The following CTSW variants were observed in gnomAD, a reference collection of about 807,000 sequenced individuals.
CTSW encodes the protein lymphopain.
In CTSW, 42 loss-of-function variants were observed where a neutral mutation model predicts 43.8. That is an observed-to-expected ratio of 0.96 (90% CI 0.75 to 1.24). The LOEUF (loss-of-function observed/expected upper bound fraction) is 1.24. Ranked by LOEUF, CTSW falls within the 50% of genes most tolerant of loss-of-function variation. The pLI is 0.00. For synonymous variants in CTSW, 191 were observed against 184.8 expected (o/e 1.03, Z -0.27); for missense variants, 475 against 479.9 (o/e 0.99, Z 0.09).
Position 65,881,404 on chromosome 11 carries a change from C to T in CTSW, c.173-3C>T. On this transcript the variant is annotated splice_polypyrimidine_tract_variant and splice_region_variant and intron_variant, in intron 2 of 9. Coordinates refer to ENST00000307886, the MANE Select transcript of CTSW (RefSeq NM_001335.4). The stretch of plus-strand genomic sequence containing the variant: ...AGCCTAGGACAACTCCCTTTTGGTC[C>T]AGAGCATGCTCACCGCCTGGACATC... 6.3e-7 allele frequency: 1 copy of T among 1,587,850 alleles called. No homozygotes were observed. Among genetic ancestry groups the T allele is most frequent in the Non-Finnish European group, 8.6e-7 (1 of 1,165,436 alleles).
intron 2 of CTSW, among the ~76,000 whole-genome samples, chr11:65,880,788 A>C (rs886242587): frequency 2.6e-5 from 4 of 152,102 alleles, no homozygotes; most frequent in African/African-American, 4.8e-5. Context: ...CAGTGGCAGG[A>C]GGTGGGGTCC....
chr11:65,880,142 T>C, intron 1 of CTSW, 60 bp from the exon 2 acceptor site: 1 of 1,521,988 alleles, frequency 6.6e-7, no homozygotes, highest in Non-Finnish European at 9.1e-7. Context: ...GGAACTAAGG[T>C]GGGGCCCCAG....
In CTSW at chr11:65,882,905, G is replaced by A. The variant is rs770799333; in HGVS notation, c.745+1G>A. 1 of 1,613,964 alleles carries A rather than the reference G, an allele frequency of 6.2e-7. No individual in the cohort carries two copies. The highest frequency in any genetic ancestry group is 1.1e-5 in the South Asian group (1 of 91,082). Reference sequence around the variant, plus strand: ...ATCATGCTGCAGAACAACGAGCACAGTGCGGGCAGGGCAGGGACACGGGCG... The same window carrying A: ...ATCATGCTGCAGAACAACGAGCACAATGCGGGCAGGGCAGGGACACGGGCG... On this transcript the variant is annotated splice_donor_variant, in intron 7 of 9. Transcript: ENST00000307886. LOFTEE classifies it high-confidence loss of function.
Position 65,883,172 on chromosome 11 carries a change from G to T in CTSW, c.810+39G>T, listed in dbSNP as rs368197375. ...GCTGATGGGGAAGGGGCATACAGGAGACTTGGCCCCACACTCAGCCCCTCG... is the reference window on the plus strand; with the variant it reads ...GCTGATGGGGAAGGGGCATACAGGATACTTGGCCCCACACTCAGCCCCTCG... On this transcript the variant is annotated intron_variant, in intron 8 of 9. Coordinates refer to ENST00000307886, the MANE Select transcript of CTSW (RefSeq NM_001335.4). The T allele has an allele frequency of 1.9e-6, 3 of 1,613,670 alleles. No individual in the cohort carries two copies. The African/African-American group carries it at 4.0e-5, about 22-fold the overall frequency.
At chr11:65,882,575 G>A in intron 5 of CTSW, 34 bp from the exon 6 acceptor site, 3 of 1,614,170 alleles carry the variant, frequency 1.9e-6, no homozygotes, top group African/African-American at 2.7e-5. Flanking sequence ...AGGCCTAGGG[G>A]CCTGGTCACC....
intron 1 of CTSW, 75 bp from the exon 2 acceptor site, chr11:65,880,127 G>C: frequency 7.2e-7 from 1 of 1,394,368 alleles, no homozygotes; most frequent in Non-Finnish European, 1.0e-6. Flanking sequence ...GTCCTTGCAC[G>C]GCTGGGAACT....
In CTSW at chr11:65,880,186, C is replaced by T; in HGVS notation, c.88-16C>T. On this transcript the variant is annotated splice_polypyrimidine_tract_variant and intron_variant, in intron 1 of 9. Coordinates refer to ENST00000307886, the MANE Select transcript of CTSW (RefSeq NM_001335.4). ...CCTCTGCCCACTGCCCCTCTCCACC[C>T]TTGGTTCCTTGCCAGGACCTAGGTC... 1 of 1,611,648 alleles carries T rather than the reference C, an allele frequency of 6.2e-7. No individual in the cohort carries two copies. The highest frequency in any genetic ancestry group is 8.5e-7 in the Non-Finnish European group (1 of 1,177,774).
chr11:65,880,242 A>G lies in CTSW; in HGVS notation c.128A>G (p.Lys43Arg). The change falls in exon 2 of 10, where the codon AAG becomes AGG. Residue 43 changes from lysine to arginine, a missense_variant. By Grantham distance (26) the Lys-to-Arg change is conservative (BLOSUM62 2). Transcript: ENST00000307886. Reference sequence around the variant, plus strand: ...CCGCTAGAGCTGAAAGAGGCCTTCAAGTTGTTCCAGATCCAGTTCAACCGG... The same window carrying G: ...CCGCTAGAGCTGAAAGAGGCCTTCAGGTTGTTCCAGATCCAGTTCAACCGG... The part of the protein sequence containing the change: ...PQPLELKEAF[K>R]LFQIQFNRSY... 2 of 1,613,984 alleles carry G rather than the reference A, an allele frequency of 1.2e-6. No homozygotes were observed. Among genetic ancestry groups the G allele is most frequent in the Non-Finnish European group, 1.7e-6 (2 of 1,180,000 alleles).
intron 3 of CTSW, 55 bp downstream of exon 3, chr11:65,881,575 G>T: frequency 1.6e-6 from 2 of 1,249,604 alleles, no homozygotes; most frequent in South Asian, 1.3e-5. Flanking sequence ...TCTCCCCAGG[G>T]ACACTGGCAG....
Position 65,879,956 on chromosome 11 carries a change from AC to A in CTSW, c.87+18del. The A allele has an allele frequency of 6.2e-7, 1 of 1,602,334 alleles. No individual in the cohort carries two copies. The highest frequency in any genetic ancestry group is 1.1e-5 in the South Asian group (1 of 89,866). ...TTAGGGCCCAGGTAAGTGCTCCCAA[AC>A]CCTTACCTATGCCAGTCCCACGCCT... is the stretch of plus-strand genomic sequence containing the variant. On this transcript the variant is annotated intron_variant, in intron 1 of 9. Coordinates refer to ENST00000307886, the MANE Select transcript of CTSW (RefSeq NM_001335.4).
Position 65,882,906 on chromosome 11 carries a change from T to C in CTSW, c.745+2T>C, listed in dbSNP as rs1360849868. The C allele has an allele frequency of 6.2e-7, 1 of 1,613,176 alleles. No individual in the cohort carries two copies. The highest frequency in any genetic ancestry group is 8.5e-7 in the Non-Finnish European group (1 of 1,179,876). The stretch of plus-strand genomic sequence containing the variant: ...TCATGCTGCAGAACAACGAGCACAG[T>C]GCGGGCAGGGCAGGGACACGGGCGG... On this transcript the variant is annotated splice_donor_variant, in intron 7 of 9. Transcript: ENST00000307886. LOFTEE classifies it high-confidence loss of function.
chr11:65,883,016 C>A, intron 7 of CTSW, 53 bp from the exon 8 acceptor site: 1 of 1,612,536 alleles, frequency 6.2e-7, no homozygotes. Context: ...AGCGAAGGAG[C>A]GAGAGACCCA....
Position 65,883,356 on chromosome 11 carries a change from C to A in CTSW, c.952C>A (p.Pro318Thr), listed in dbSNP as rs747497514. The stretch of plus-strand genomic sequence containing the variant: ...AGAGACAGTCTCATCGCAGTCTCAG[C>A]CTCAGCCTCCACACCCCACCCCATA... ...WAETVSSQSQ[P>T]QPPHPTPYWI... The change falls in exon 9 of 10, where the codon CCT becomes ACT. Residue 318 changes from proline to threonine, a missense_variant. Pro to Thr is a conservative substitution (Grantham distance 38). Coordinates refer to ENST00000307886, the MANE Select transcript of CTSW (RefSeq NM_001335.4). 6 of 1,614,102 alleles carry A rather than the reference C, an allele frequency of 3.7e-6. No individual in the cohort carries two copies. Among genetic ancestry groups the A allele is most frequent in the Non-Finnish European group, 4.2e-6 (5 of 1,180,002 alleles).
chr11:65,882,406 C>T (rs1860120193), intron 4 of CTSW, 24 bp from the exon 5 acceptor site: 3 of 1,613,994 alleles, frequency 1.9e-6, no homozygotes, highest in Non-Finnish European at 2.5e-6. Flanking sequence ...ACACCTAGCC[C>T]CGCCCCACCC....
At position 65,882,890 on chromosome 11, in the gene CTSW, A is replaced by C. The variant is rs747942291; in HGVS notation, c.731A>C (p.Gln244Pro). The change falls in exon 7 of 10, where the codon CAG (glutamine) becomes CCG (proline). Residue 244 changes from glutamine (Q) to proline (P), a missense_variant. Gln to Pro is a moderately conservative substitution (Grantham distance 76). Transcript: ENST00000307886. The stretch of plus-strand genomic sequence containing the variant: ...TGGATCCAGGACTTCATCATGCTGC[A>C]GAACAACGAGCACAGTGCGGGCAGG... ...VAWIQDFIML[Q>P]NNEHRIAQYL... 3.0e-5 allele frequency: 48 copies of C among 1,613,990 alleles called. No individual in the cohort carries two copies. Among genetic ancestry groups the C allele is most frequent in the Non-Finnish European group, 3.7e-5 (44 of 1,180,034 alleles).
At chr11:65,882,977 T>G in intron 7 of CTSW, 73 bp downstream of exon 7, 1 of 1,612,036 alleles carries the variant, frequency 6.2e-7, no homozygotes, top group Non-Finnish European at 8.5e-7. Context: ...GCTGGGCTAC[T>G]GGGCTAGAAG....
intron 5 of CTSW, 30 bp from the exon 6 acceptor site, chr11:65,882,579 G>A: frequency 6.2e-7 from 1 of 1,614,152 alleles, no homozygotes; most frequent in Non-Finnish European, 8.5e-7. Flanking sequence ...CTAGGGGCCT[G>A]GTCACCCACA....
chr11:65,882,686 A>G lies in CTSW; in HGVS notation c.616A>G (p.Asn206Asp), dbSNP rs2134766045. 6.2e-7 allele frequency: 1 copy of G among 1,614,030 alleles called. No individual in the cohort carries two copies. The highest frequency in any genetic ancestry group is 1.3e-5 in the African/African-American group (1 of 75,038). The change falls in exon 6 of 10, where the codon AAC becomes GAC. Residue 206 changes from asparagine (N) to aspartate (D), a missense_variant. Transcript: ENST00000307886. Reference sequence around the variant, plus strand: ...GGACGCGTTCATAACTGTCCTCAACAACAGTGAGTGCACTGCCCCGCCACT... The same window carrying G: ...GGACGCGTTCATAACTGTCCTCAACGACAGTGAGTGCACTGCCCCGCCACT... Reference protein sequence around the residue: ...VWDAFITVLNNSGLASEKDYP... With the variant: ...VWDAFITVLNDSGLASEKDYP...
chr11:65,883,216 T>C lies in CTSW; in HGVS notation c.812T>C (p.Leu271Pro). 1 of 1,613,630 alleles carries C rather than the reference T, an allele frequency of 6.2e-7. No individual in the cohort carries two copies. Among genetic ancestry groups the C allele is most frequent in the Non-Finnish European group, 8.5e-7 (1 of 1,179,848 alleles). ...TVTINMKPLQ[L>P]YRKGVIKATP... ...CCCCTCGGCCCCCACCCCCTGCAGCTATACCGGAAAGGTGTGATCAAGGCC... is the reference window on the plus strand; with the variant it reads ...CCCCTCGGCCCCCACCCCCTGCAGCCATACCGGAAAGGTGTGATCAAGGCC... Residue 271 changes from leucine to proline, a missense_variant and splice_region_variant, in exon 9 of 10, where the codon CTA becomes CCA. Leu to Pro is a moderately conservative substitution (Grantham distance 98). Transcript: ENST00000307886.
Sources: gnomAD v4.1 joint callset for allele counts (sites outside exome capture counted in the v4.1 genomes callset) on GRCh38, gnomAD v4.1.1 for gene constraint, MANE v1.5 for transcripts, NCBI Gene and HGNC (gene_info 2026-07-23, HGNC 2026-07-21) for gene names.